Variants in SCARB1 observed in about 807,000 individuals in gnomAD.
The protein encoded by SCARB1 is scavenger receptor class B member 1, also known as CD36 and LIMPII analogous 1.
A neutral mutation model predicts 57.2 loss-of-function variants in SCARB1; 30 were observed. The ratio of observed to expected loss-of-function variants is 0.52; its 90% CI spans 0.39 to 0.71. The LOEUF (loss-of-function observed/expected upper bound fraction) is 0.71, where lower values mean the gene tolerates loss of function less well. Among genes scored for constraint, SCARB1 ranks in the 30% least tolerant of loss-of-function variants. The pLI is 0.00. For missense variants in SCARB1, 543 were observed against 671.2 expected (o/e 0.81, Z 2.11); for synonymous variants, 249 against 268.3 (o/e 0.93, Z 0.70).
At chr12:124,850,882 G>A (rs955121953) in intron 1 of SCARB1, among the ~76,000 whole-genome samples, 1 of 152,108 alleles carries the variant, frequency 6.6e-6, no homozygotes, top group African/African-American at 2.4e-5. Context: ...TGCTGCCTAT[G>A]GCCGCCTCTT....
chr12:124,803,187 G>A (rs1390950925), intron 7 of SCARB1, among the ~76,000 whole-genome samples: 1 of 152,212 alleles, frequency 6.6e-6, no homozygotes, highest in African/African-American at 2.4e-5. Context: ...CTGGATGTCA[G>A]GGCGGTGGGA....
At chr12:124,827,186 C>T (rs542563471) in intron 1 of SCARB1, among the ~76,000 whole-genome samples, 126 of 152,260 alleles carry the variant, frequency 8.3e-4, no homozygotes, top group African/African-American at 3.0e-3. Context: ...GGAGCATCGG[C>T]AGACTCGCGT....
intron 1 of SCARB1, among the ~76,000 whole-genome samples, chr12:124,847,305 G>A (rs370836621): frequency 1.3e-5 from 2 of 152,216 alleles, no homozygotes; most frequent in Admixed American, 1.3e-4. Flanking sequence ...AGCTGCCAAG[G>A]GATCCTGGCT....
At chr12:124,803,895 AAATAT>A (rs1950232232) in intron 7 of SCARB1, among the ~76,000 whole-genome samples, 1 of 152,146 alleles carries the variant, frequency 6.6e-6, no homozygotes, top group African/African-American at 2.4e-5. Flanking sequence ...AAATATAAAT[AAATAT>A]AAGAAAAAAC....
At chr12:124,857,954 C>T (rs535873241) in intron 1 of SCARB1, among the ~76,000 whole-genome samples, 6 of 152,218 alleles carry the variant, frequency 3.9e-5, no homozygotes, top group East Asian at 1.9e-4. Flanking sequence ...CCTCTCCCCA[C>T]GTCCACCAGC....
intron 1 of SCARB1, among the ~76,000 whole-genome samples, chr12:124,818,786 C>T (rs1950835139): frequency 6.6e-6 from 1 of 152,076 alleles, no homozygotes; most frequent in Admixed American, 6.6e-5. Context: ...GCTGGGACTA[C>T]AGGCACCCAC....
chr12:124,787,970 ATTG>A (rs1321529731), intron 9 of SCARB1, among the ~76,000 whole-genome samples: 3 of 152,210 alleles, frequency 2.0e-5, no homozygotes, highest in Admixed American at 6.5e-5. Context: ...ATTCTTAGTT[ATTG>A]TTAATTGTGG....
At chr12:124,805,431 G>T (rs1168636181) in intron 7 of SCARB1, among the ~76,000 whole-genome samples, 2 of 152,014 alleles carry the variant, frequency 1.3e-5, no homozygotes, top group Non-Finnish European at 2.9e-5. Context: ...TGGAGTCAGA[G>T]AGGCTGGTGG....
chr12:124,837,566 A>AG (rs1951727256), intron 1 of SCARB1, among the ~76,000 whole-genome samples: 1 of 21,086 alleles, frequency 4.7e-5, no homozygotes, highest in African/African-American at 8.6e-5. Flanking sequence ...AAGAAAAGAA[A>AG]AGAAAAGAAA....
chr12:124,844,061 G>T (rs1006347665), intron 1 of SCARB1, among the ~76,000 whole-genome samples: 9 of 152,148 alleles, frequency 5.9e-5, no homozygotes, highest in African/African-American at 2.2e-4. Context: ...CCAGGAAATT[G>T]TGGAGAAGTA....
At chr12:124,858,055 C>T (rs1217634237) in intron 1 of SCARB1, among the ~76,000 whole-genome samples, 1 of 152,210 alleles carries the variant, frequency 6.6e-6, no homozygotes, top group Non-Finnish European at 1.5e-5. Flanking sequence ...ACCCACATAC[C>T]TGAGCACAGC....
intron 9 of SCARB1, among the ~76,000 whole-genome samples, chr12:124,791,337 G>A (rs573654143): frequency 5.9e-5 from 9 of 152,240 alleles, no homozygotes; most frequent in African/African-American, 2.2e-4. Flanking sequence ...GGTGGCCTTG[G>A]GACCCCTGAC....
chr12:124,839,219 C>G (rs1421594655), intron 1 of SCARB1: 2 of 456,176 alleles, frequency 4.4e-6, no homozygotes, highest in Non-Finnish European at 8.8e-6. Flanking sequence ...TCTGCACCCC[C>G]TCTCCCCCAG....
chr12:124,778,426 G>A lies in SCARB1; in HGVS notation c.*161C>T, dbSNP rs761314422. The stretch of plus-strand genomic sequence containing the variant: ...CGCATGTGTGTATGTGTGCCAGGGC[G>A]TGTGTGCAGGTGTGCAACAGGCACA... On this transcript the variant is annotated 3_prime_UTR_variant, in exon 13 of 13. Coordinates refer to ENST00000261693, the MANE Select transcript of SCARB1 (RefSeq NM_005505.5). The A allele has an allele frequency of 2.5e-5, 32 of 1,287,642 alleles. No individual in the cohort carries two copies. Among genetic ancestry groups the A allele is most frequent in the South Asian group, 1.6e-4 (6 of 37,072 alleles). The allele number at this position is 1,287,642 out of a possible 1,614,324, so 79.8% of individuals were successfully genotyped here. A position where few individuals can be genotyped will look rare whatever the true frequency, so the allele number is the denominator to read the frequency against.
At chr12:124,839,302 C>A (rs917992381) in intron 1 of SCARB1, 3 of 454,122 alleles carry the variant, frequency 6.6e-6, no homozygotes, top group Admixed American at 4.7e-5. Context: ...CAAATGGAAT[C>A]GTACGGTATT....
intron 1 of SCARB1, among the ~76,000 whole-genome samples, chr12:124,831,802 C>T (rs1951405412): frequency 6.6e-6 from 1 of 152,228 alleles, no homozygotes; most frequent in South Asian, 2.1e-4. Flanking sequence ...GTGCTGGGAA[C>T]AGCCCTTCGT....
rs1002725900 is a variant in SCARB1 at position 124,827,458 on chromosome 12, G to T, written c.127-9751C>A. On this transcript the variant is annotated intron_variant, in intron 1 of 12. Transcript: ENST00000261693. ...ATTTTAACCACCAGGGCCAGGTGGT[G>T]GCGCCAAGGTCGTCTAGCTATTTAT... Among the ~76,000 whole-genome samples the T allele has an allele frequency of 4.1e-4, 63 of 152,268 alleles. 1 individual carries two copies. Among genetic ancestry groups the T allele is most frequent in the Middle Eastern group, 3.4e-3 (1 of 294 alleles).
At chr12:124,854,346 G>A (rs935080758) in intron 1 of SCARB1, among the ~76,000 whole-genome samples, 2 of 152,230 alleles carry the variant, frequency 1.3e-5, no homozygotes, top group African/African-American at 2.4e-5. Flanking sequence ...GAATGCGGAC[G>A]TCGCCAGAAA....
intron 1 of SCARB1, among the ~76,000 whole-genome samples, chr12:124,862,137 T>C (rs958297218): frequency 2.0e-5 from 3 of 152,166 alleles, no homozygotes; most frequent in Admixed American, 6.5e-5. Context: ...AGGCTGTCAC[T>C]GACACACACG....
Sources: gnomAD v4.1 joint callset for allele counts (sites outside exome capture counted in the v4.1 genomes callset) on GRCh38, gnomAD v4.1.1 for gene constraint, MANE v1.5 for transcripts, NCBI Gene and HGNC (gene_info 2026-07-23, HGNC 2026-07-21) for gene names.